PPP2R5D: variants seen among roughly 807,000 people sequenced by gnomAD.
The protein encoded by PPP2R5D is serine/threonine-protein phosphatase 2A 56 kDa regulatory subunit delta isoform.
Under a neutral mutation model 79.1 loss-of-function variants are expected in PPP2R5D, and 12 were observed. The observed-to-expected ratio is 0.15, with a 90% CI of 0.10 to 0.25. The LOEUF (loss-of-function observed/expected upper bound fraction) is 0.25. Ranked by LOEUF, PPP2R5D falls within the 10% of genes least tolerant of loss-of-function variation. PPP2R5D has a pLI of 1.00. For synonymous variants in PPP2R5D, 277 were observed against 286.6 expected (o/e 0.97, Z 0.34); for missense variants, 419 against 760.2 (o/e 0.55, Z 5.28).
chr6:42,996,828 GCCT>G (rs1771730562), intron 2 of PPP2R5D, among the ~76,000 whole-genome samples: 1 of 152,162 alleles, frequency 6.6e-6, no homozygotes, highest in African/African-American at 2.4e-5. Context: ...TGGAGAGAAG[GCCT>G]CTGATTTTTG....
chr6:43,008,986 G>C lies in PPP2R5D; in HGVS notation c.1081-71G>C, dbSNP rs192867779. The stretch of plus-strand genomic sequence containing the variant: ...GCCCACCAGGGTGGGGGAGAGAGCA[G>C]GTAGGAAAACTTCCTGGTGACCTAG... On this transcript the variant is annotated intron_variant, in intron 10 of 15. Coordinates refer to ENST00000485511, the MANE Select transcript of PPP2R5D (RefSeq NM_006245.4). The surrounding 1 kb of genome is among the most constrained non-coding windows in gnomAD (Gnocchi z 4.2). 3.2e-6 allele frequency: 5 copies of C among 1,543,342 alleles called. No homozygotes were observed.
chr6:43,003,743 T>C (rs1474813789), intron 2 of PPP2R5D, among the ~76,000 whole-genome samples: 4 of 152,134 alleles, frequency 2.6e-5, no homozygotes, highest in Non-Finnish European at 5.9e-5. Context: ...TGTATGTATT[T>C]ATTTATTTTT....
chr6:42,987,168 T>G (rs1770915107), intron 1 of PPP2R5D, among the ~76,000 whole-genome samples: 1 of 152,216 alleles, frequency 6.6e-6, no homozygotes, highest in South Asian at 2.1e-4. Flanking sequence ...CTTATGGTCC[T>G]TTTGTGTTTG....
intron 2 of PPP2R5D, among the ~76,000 whole-genome samples, chr6:42,990,699 C>CTTTTTTTTTTTTTTT (rs70990164): frequency 3.9e-5 from 2 of 51,572 alleles, no homozygotes; most frequent in African/African-American, 8.0e-5. Flanking sequence ...CAGTATTCTA[C>CTTTTTTTTTTTTTTT]TTTTTTTTTT....
Position 43,008,354 on chromosome 6 carries a change from C to G in PPP2R5D, c.918-13C>G. On this transcript the variant is annotated splice_polypyrimidine_tract_variant and intron_variant, in intron 8 of 15. Coordinates refer to ENST00000485511, the MANE Select transcript of PPP2R5D (RefSeq NM_006245.4). This position sits in a 1 kb window ranked among gnomAD's most constrained non-coding sequence, Gnocchi z 4.2. ...TGACCCTCTGGTCCTAACAAATGTC[C>G]CTTAATTCCTAGCATCATCAATGGC... 1 of 1,613,374 alleles carries G rather than the reference C, an allele frequency of 6.2e-7. No individual in the cohort carries two copies. The highest frequency in any genetic ancestry group is 8.5e-7 in the Non-Finnish European group (1 of 1,179,402).
chr6:43,008,216 G>T lies in PPP2R5D; in HGVS notation c.873G>T (p.Thr291=), dbSNP rs145452516. The T allele has an allele frequency of 6.2e-7, 1 of 1,614,164 alleles. No homozygotes were observed. The highest frequency in any genetic ancestry group is 8.5e-7 in the Non-Finnish European group (1 of 1,180,038). ...NHIFYRFIYE[T]EHHNGIAELL... ...CTTCCCTCAGGTTCATCTACGAGACGGAGCATCACAACGGGATTGCTGAGC... is the reference window on the plus strand; with the variant it reads ...CTTCCCTCAGGTTCATCTACGAGACTGAGCATCACAACGGGATTGCTGAGC... The change falls in exon 8 of 16, where the codon ACG becomes ACT. Residue 291 remains threonine, a synonymous_variant. Coordinates refer to ENST00000485511, the MANE Select transcript of PPP2R5D (RefSeq NM_006245.4). The surrounding 1 kb of genome is among the most constrained non-coding windows in gnomAD (Gnocchi z 4.2).
rs756087744 is a variant in PPP2R5D at position 43,006,641 on chromosome 6, G to C, written c.284G>C (p.Ser95Thr). ...RRQSSSRFNL[S>T]KNRELQKLPA... Reference sequence around the variant, plus strand: ...CAAAGCTCCTCCCGCTTCAACCTCAGCAAGAATCGGGAGCTGCAGAAGCTT... The same window carrying C: ...CAAAGCTCCTCCCGCTTCAACCTCACCAAGAATCGGGAGCTGCAGAAGCTT... Residue 95 changes from serine to threonine, a missense_variant, in exon 3 of 16, where the codon AGC (serine) becomes ACC (threonine). Around this residue, in one of 5 missense-constraint regions of PPP2R5D, gnomAD observed 110 missense variants for 147.6 expected, o/e 0.75. Transcript: ENST00000485511. This position sits in a 1 kb window ranked among gnomAD's most constrained non-coding sequence, Gnocchi z 4.7. The C allele has an allele frequency of 6.2e-7, 1 of 1,614,178 alleles. No individual in the cohort carries two copies. The highest frequency in any genetic ancestry group is 8.5e-7 in the Non-Finnish European group (1 of 1,180,034).
intron 2 of PPP2R5D, among the ~76,000 whole-genome samples, chr6:43,005,337 C>A (rs1246851465): frequency 6.6e-6 from 1 of 151,950 alleles, no homozygotes; most frequent in African/African-American, 2.4e-5. Flanking sequence ...GGCTGGAGTG[C>A]AGTTGGTGTG....
In PPP2R5D at chr6:43,011,600, C is replaced by T; in HGVS notation, c.*314C>T. The T allele has an allele frequency of 2.3e-6, 1 of 432,584 alleles. No homozygotes were observed. The highest frequency in any genetic ancestry group is 4.2e-6 in the Non-Finnish European group (1 of 235,762). The allele number at this position is 432,584 out of a possible 1,614,324, so 26.8% of individuals were successfully genotyped here. ...CTGAGGCTGCTCTGAGAAGTACACACAGGAATACATACGCTCCTCTATTCT... is the reference window on the plus strand; with the variant it reads ...CTGAGGCTGCTCTGAGAAGTACACATAGGAATACATACGCTCCTCTATTCT... On this transcript the variant is annotated 3_prime_UTR_variant, in exon 16 of 16. Transcript: ENST00000485511.
In PPP2R5D at chr6:42,984,641, G is replaced by T. The variant is rs781416988; in HGVS notation, c.-37G>T. ...GCCGAGCAAAGCCGGAGCCGGAGCG[G>T]GGCCGCAGGAGACGGGCCGGGTCCG... On this transcript the variant is annotated 5_prime_UTR_variant, in exon 1 of 16. Transcript: ENST00000485511. 29 of 1,583,608 alleles carry T rather than the reference G, an allele frequency of 1.8e-5. No individual in the cohort carries two copies. The East Asian group carries it at 5.8e-4, about 32-fold the overall frequency.
At chr6:43,000,740 C>T (rs1486300507) in intron 2 of PPP2R5D, among the ~76,000 whole-genome samples, 6 of 152,198 alleles carry the variant, frequency 3.9e-5, no homozygotes, top group Admixed American at 2.6e-4. Context: ...TCAGACTCTG[C>T]TCCTAATGCT....
intron 2 of PPP2R5D, among the ~76,000 whole-genome samples, chr6:43,005,415 C>T (rs1213844337): frequency 2.0e-5 from 3 of 151,906 alleles, no homozygotes. Flanking sequence ...AGCTGGAACT[C>T]CAGTAAGCTT....
chr6:42,989,817 A>C lies in PPP2R5D; in HGVS notation c.105+129A>C, dbSNP rs1771129112. On this transcript the variant is annotated intron_variant, in intron 2 of 15. Transcript: ENST00000485511. Reference sequence around the variant, plus strand: ...CTTCCATATCCTGGGAGGGACCTGGACAGCCCATCCAGACTGCCCTCAGGC... The same window carrying C: ...CTTCCATATCCTGGGAGGGACCTGGCCAGCCCATCCAGACTGCCCTCAGGC... 7 of 892,316 alleles carry C rather than the reference A, an allele frequency of 7.8e-6. No homozygotes were observed. In the Admixed American group the frequency reaches 1.7e-4, roughly 22 times the overall value. 55.3% of individuals were successfully genotyped at this position (892,316 alleles called of 1,614,324 possible). A position where few individuals can be genotyped will look rare whatever the true frequency, so the allele number is the denominator to read the frequency against.
chr6:42,998,014 TTTATATATATATATATATATATA>T (rs1771841874), intron 2 of PPP2R5D, among the ~76,000 whole-genome samples: 1 of 44,534 alleles, frequency 2.2e-5, no homozygotes, highest in African/African-American at 2.7e-4. Flanking sequence ...TTGGGTTTTA[TTTATATATATATATATATATATA>T]TATATATATA....
At position 43,009,532 on chromosome 6, in the gene PPP2R5D, C is replaced by A; in HGVS notation, c.1379+83C>A. 1 of 1,568,464 alleles carries A rather than the reference C, an allele frequency of 6.4e-7. No homozygotes were observed. The highest frequency in any genetic ancestry group is 1.1e-5 in the South Asian group (1 of 88,760). ...ATGGAAGAACTAAAGAGCCAGGGGT[C>A]TCACCTAGTCACCCAGCAAGTGGGG... is the stretch of plus-strand genomic sequence containing the variant. On this transcript the variant is annotated intron_variant, in intron 12 of 15. Transcript: ENST00000485511. The surrounding 1 kb of genome is among the most constrained non-coding windows in gnomAD (Gnocchi z 5.6).
intron 2 of PPP2R5D, among the ~76,000 whole-genome samples, chr6:43,002,304 C>T (rs1169812576): frequency 6.6e-6 from 1 of 152,092 alleles, no homozygotes; most frequent in African/African-American, 2.4e-5. Flanking sequence ...GCTGAGATTA[C>T]AGGCACGTGC....
At chr6:42,995,550 G>T (rs556862549) in intron 2 of PPP2R5D, among the ~76,000 whole-genome samples, 1 of 142,784 alleles carries the variant, frequency 7.0e-6, no homozygotes, top group African/African-American at 2.9e-5. Flanking sequence ...TTAAACTCAT[G>T]TTTATTCTTT....
Position 43,008,986 on chromosome 6 carries a change from G to A in PPP2R5D, c.1081-71G>A, listed in dbSNP as rs192867779. 4.3e-5 allele frequency: 66 copies of A among 1,543,462 alleles called. No individual in the cohort carries two copies. The African/African-American group carries it at 6.5e-4, about 15-fold the overall frequency. ...GCCCACCAGGGTGGGGGAGAGAGCAGGTAGGAAAACTTCCTGGTGACCTAG... is the reference window on the plus strand; with the variant it reads ...GCCCACCAGGGTGGGGGAGAGAGCAAGTAGGAAAACTTCCTGGTGACCTAG... On this transcript the variant is annotated intron_variant, in intron 10 of 15. Coordinates refer to ENST00000485511, the MANE Select transcript of PPP2R5D (RefSeq NM_006245.4). The surrounding 1 kb of genome is among the most constrained non-coding windows in gnomAD (Gnocchi z 4.2).
At chr6:42,997,830 G>A (rs572771387) in intron 2 of PPP2R5D, among the ~76,000 whole-genome samples, 2 of 151,218 alleles carry the variant, frequency 1.3e-5, no homozygotes, top group African/African-American at 4.9e-5. Context: ...ATAGGGGTGA[G>A]CCACCATGCC....
Sources: gnomAD v4.1 joint callset for allele counts (sites outside exome capture counted in the v4.1 genomes callset) on GRCh38, gnomAD v4.1.1 for gene constraint, gnomAD v4.1.1 regional missense constraint, Gnocchi (gnomAD v3.1) non-coding constraint, MANE v1.5 for transcripts, NCBI Gene and HGNC (gene_info 2026-07-23, HGNC 2026-07-21) for gene names.